The following RALYL variants were observed in gnomAD, a reference collection of about 807,000 sequenced individuals.
The protein encoded by RALYL is RALY RNA binding protein like, also known as RNA-binding Raly-like protein.
In RALYL, 29 loss-of-function variants were observed where a neutral mutation model predicts 35.1. The ratio of observed to expected loss-of-function variants is 0.83; its 90% CI spans 0.61 to 1.13. The LOEUF is 1.13. RALYL is among the 50% of genes most tolerant of loss of function. The pLI, the probability that RALYL is intolerant of heterozygous loss-of-function variation, is 0.00. For missense variants in RALYL, 359 were observed against 360.4 expected (o/e 1.00, Z 0.03); for synonymous variants, 120 against 127.6 (o/e 0.94, Z 0.40).
chr8:84,494,338 G>C (rs7003448), intron 1 of RALYL, among the ~76,000 whole-genome samples: 2,477 of 152,240 alleles, frequency 0.016, 68 homozygotes, highest in African/African-American at 0.056. Flanking sequence ...CTGGTAACAT[G>C]ATGCCTCCAG....
At chr8:84,537,358 T>C (rs2059685975) in intron 2 of RALYL, among the ~76,000 whole-genome samples, 1 of 151,286 alleles carries the variant, frequency 6.6e-6, no homozygotes, top group South Asian at 2.1e-4. Context: ...TGATCTTAGC[T>C]ATTCAGGAAG....
At chr8:84,371,615 T>C (rs1262169461) in intron 1 of RALYL, among the ~76,000 whole-genome samples, 3 of 151,002 alleles carry the variant, frequency 2.0e-5, no homozygotes, top group African/African-American at 7.4e-5. Context: ...ATTTTACGTA[T>C]TACTTAACTG....
chr8:84,395,077 A>G (rs1432656841), intron 1 of RALYL, among the ~76,000 whole-genome samples: 1 of 151,904 alleles, frequency 6.6e-6, no homozygotes, highest in Non-Finnish European at 1.5e-5. Flanking sequence ...AAATATTACC[A>G]TAACTCATAG....
At chr8:84,810,970 C>T (rs1825769578) in intron 4 of RALYL, among the ~76,000 whole-genome samples, 2 of 152,072 alleles carry the variant, frequency 1.3e-5, no homozygotes, top group African/African-American at 4.8e-5. Flanking sequence ...TTAAGCAAAG[C>T]ATTTAGGCCA....
intron 1 of RALYL, among the ~76,000 whole-genome samples, chr8:84,459,408 G>T (rs2050492799): frequency 6.6e-6 from 1 of 151,822 alleles, no homozygotes; most frequent in Non-Finnish European, 1.5e-5. Context: ...TCAGGGAATT[G>T]TGTGGGAGTG....
intron 2 of RALYL, among the ~76,000 whole-genome samples, chr8:84,591,471 A>G (rs1303431211): frequency 1.3e-5 from 2 of 152,208 alleles, no homozygotes; most frequent in African/African-American, 4.8e-5. Flanking sequence ...AGTAGGTTGC[A>G]TTACAGAAGA....
chr8:84,632,664 C>G (rs1034073203), intron 2 of RALYL, among the ~76,000 whole-genome samples: 2 of 151,256 alleles, frequency 1.3e-5, no homozygotes, highest in African/African-American at 4.9e-5. Flanking sequence ...TATTCCAGTA[C>G]AGTGGTGACC....
intron 2 of RALYL, among the ~76,000 whole-genome samples, chr8:84,691,086 C>T (rs1170794662): frequency 6.6e-6 from 1 of 152,064 alleles, no homozygotes; most frequent in East Asian, 1.9e-4. Context: ...CAAGTCAAAG[C>T]ACTGTTTGAA....
At chr8:84,397,565 A>G (rs2042465339) in intron 1 of RALYL, among the ~76,000 whole-genome samples, 1 of 152,324 alleles carries the variant, frequency 6.6e-6, no homozygotes, top group Non-Finnish European at 1.5e-5. Flanking sequence ...AAAGCAATAC[A>G]AAAGCAGGTA....
chr8:84,739,212 G>T, intron 2 of RALYL, among the ~76,000 whole-genome samples: 1 of 152,010 alleles, frequency 6.6e-6, no homozygotes, highest in East Asian at 1.9e-4. Context: ...ATGCCATGGT[G>T]TTCTTTTGTA....
At chr8:84,792,079 C>A (rs946946175) in intron 3 of RALYL, among the ~76,000 whole-genome samples, 9 of 152,260 alleles carry the variant, frequency 5.9e-5, no homozygotes, top group Admixed American at 4.6e-4. Context: ...GGAGCTGAGA[C>A]TCCCAAAGCC....
intron 2 of RALYL, among the ~76,000 whole-genome samples, chr8:84,720,288 T>G (rs113540103): frequency 5.9e-5 from 9 of 152,214 alleles, no homozygotes; most frequent in African/African-American, 1.9e-4. Flanking sequence ...CCAAACAGCA[T>G]GGTACTGTCA....
intron 1 of RALYL, among the ~76,000 whole-genome samples, chr8:84,240,453 G>GTGCAACAC (rs1282923696): frequency 6.6e-6 from 1 of 152,140 alleles, no homozygotes; most frequent in Non-Finnish European, 1.5e-5. Context: ...TGCCTATTAA[G>GTGCAACAC]TGCAACACTG....
chr8:84,534,387 A>G (rs1247703907), intron 2 of RALYL, among the ~76,000 whole-genome samples: 3 of 152,182 alleles, frequency 2.0e-5, no homozygotes, highest in African/African-American at 4.8e-5. Flanking sequence ...AGCTAGCTGG[A>G]GTGTTTTACT....
At chr8:84,569,895 G>T (rs148729966) in intron 2 of RALYL, among the ~76,000 whole-genome samples, 8 of 151,758 alleles carry the variant, frequency 5.3e-5, no homozygotes, top group African/African-American at 7.3e-5. Context: ...TCAATCAGTT[G>T]TAGGTATGTG....
At chr8:84,461,914 A>G (rs887666347) in intron 1 of RALYL, among the ~76,000 whole-genome samples, 4 of 151,594 alleles carry the variant, frequency 2.6e-5, no homozygotes, top group African/African-American at 9.7e-5. Flanking sequence ...TATTATTACC[A>G]AAAGTCCATA....
intron 7 of RALYL, among the ~76,000 whole-genome samples, chr8:84,885,330 A>G (rs1053465764): frequency 1.3e-5 from 2 of 152,076 alleles, no homozygotes; most frequent in Non-Finnish European, 2.9e-5. Context: ...ACTCAGTTTT[A>G]CCTTCTTAAA....
At chr8:84,567,591 T>C (rs1019558731) in intron 2 of RALYL, among the ~76,000 whole-genome samples, 3 of 151,892 alleles carry the variant, frequency 2.0e-5, no homozygotes, top group African/African-American at 7.2e-5. Context: ...ATGTTCTTTA[T>C]CTAATCAACC....
chr8:84,246,475 A>T (rs896303087), intron 1 of RALYL, among the ~76,000 whole-genome samples: 17 of 152,294 alleles, frequency 1.1e-4, no homozygotes, highest in Middle Eastern at 6.8e-3. Flanking sequence ...TTCCCTGAAG[A>T]AGTGATATTT....
Sources: gnomAD v4.1 joint callset for allele counts (sites outside exome capture counted in the v4.1 genomes callset) on GRCh38, gnomAD v4.1.1 for gene constraint, MANE v1.5 for transcripts, NCBI Gene and HGNC (gene_info 2026-07-23, HGNC 2026-07-21) for gene names.